MLIP: variants seen among roughly 807,000 people sequenced by gnomAD.
MLIP encodes muscular LMNA-interacting protein.
Under a neutral mutation model 84.8 loss-of-function variants are expected in MLIP, and 79 were observed. The ratio of observed to expected loss-of-function variants is 0.93; its 90% CI spans 0.78 to 1.12. The LOEUF is 1.12. Ranked by LOEUF, MLIP falls within the 50% of genes most tolerant of loss-of-function variation. The pLI is 0.00. For missense variants in MLIP, 1,257 were observed against 1,160.6 expected, an observed-to-expected ratio of 1.08 and a Z score of -1.21; for synonymous variants, 504 against 463.0, an observed-to-expected ratio of 1.09 and a Z score of -1.14.
At chr6:54,263,615 A>T (rs543559945) in intron 13 of MLIP, among the ~76,000 whole-genome samples, 55 of 152,170 alleles carry the variant, frequency 3.6e-4, no homozygotes, top group Non-Finnish European at 7.1e-4. Flanking sequence ...AATGGGAATG[A>T]AAAACCAACT....
intron 1 of MLIP, among the ~76,000 whole-genome samples, chr6:54,063,965 CAAGT>C (rs1766127816): frequency 6.6e-5 from 3 of 45,480 alleles, no homozygotes; most frequent in East Asian, 7.1e-4. Flanking sequence ...TAATTGGAAA[CAAGT>C]TAAACCTGCT....
At chr6:54,263,795 C>A (rs1783533415) in intron 13 of MLIP, among the ~76,000 whole-genome samples, 1 of 151,916 alleles carries the variant, frequency 6.6e-6, no homozygotes, top group South Asian at 2.1e-4. Context: ...TTCTTTCTTG[C>A]TTGTATTTTC....
intron 10 of MLIP, among the ~76,000 whole-genome samples, chr6:54,194,375 C>A (rs960144325): frequency 6.6e-6 from 1 of 152,126 alleles, no homozygotes; most frequent in African/African-American, 2.4e-5. Context: ...TTATCAGGTA[C>A]GCCTCCTCAG....
chr6:54,252,598 T>C (rs1456268893), intron 12 of MLIP, among the ~76,000 whole-genome samples: 1 of 149,592 alleles, frequency 6.7e-6, no homozygotes. Context: ...ATTATGTACA[T>C]AATCATGATA....
At chr6:54,180,130 A>G (rs1776707526) in intron 9 of MLIP, among the ~76,000 whole-genome samples, 2 of 152,116 alleles carry the variant, frequency 1.3e-5, no homozygotes, top group South Asian at 4.1e-4. Context: ...AGCACTTTAA[A>G]TATGCCATGT....
chr6:54,044,833 G>GA (rs982613804), intron 1 of MLIP, among the ~76,000 whole-genome samples: 11 of 152,124 alleles, frequency 7.2e-5, no homozygotes, highest in African/African-American at 2.7e-4. Context: ...GCTCTTGCTT[G>GA]AAAATTTTAT....
At chr6:54,067,557 A>T (rs1444108158) in intron 1 of MLIP, among the ~76,000 whole-genome samples, 2 of 101,608 alleles carry the variant, frequency 2.0e-5, no homozygotes, top group Non-Finnish European at 2.8e-5. Context: ...TTATCACCTT[A>T]TTCTAATTCA....
At chr6:54,225,247 T>C (rs1250356778) in intron 11 of MLIP, among the ~76,000 whole-genome samples, 1 of 152,194 alleles carries the variant, frequency 6.6e-6, no homozygotes, top group African/African-American at 2.4e-5. Flanking sequence ...CAAGCCTAGA[T>C]GGTATAGCCT....
chr6:54,189,939 C>G (rs1381749990), intron 10 of MLIP, 25 bp downstream of exon 10: 4 of 1,537,288 alleles, frequency 2.6e-6, no homozygotes, highest in African/African-American at 1.4e-5. Flanking sequence ...AGTCACAGAT[C>G]TACTGCAAAT....
intron 1 of MLIP, among the ~76,000 whole-genome samples, chr6:54,116,030 C>T (rs142079819): frequency 3.4e-4 from 52 of 151,998 alleles, no homozygotes; most frequent in Middle Eastern, 3.4e-3. Flanking sequence ...GAGCAGGGTG[C>T]AAGATGGGAA....
intron 12 of MLIP, among the ~76,000 whole-genome samples, chr6:54,250,704 C>T (rs1206150993): frequency 2.0e-5 from 3 of 152,056 alleles, no homozygotes; most frequent in African/African-American, 7.2e-5. Flanking sequence ...TCATTTTACC[C>T]ATCCACCTGA....
chr6:54,224,621 G>T (rs988771724), intron 11 of MLIP, among the ~76,000 whole-genome samples: 1 of 151,960 alleles, frequency 6.6e-6, no homozygotes, highest in African/African-American at 2.4e-5. Context: ...GGGTATAGGT[G>T]GTATTTGGTT....
At chr6:54,233,472 T>C (rs1199907229) in intron 12 of MLIP, among the ~76,000 whole-genome samples, 3 of 152,174 alleles carry the variant, frequency 2.0e-5, no homozygotes, top group Admixed American at 6.5e-5. Flanking sequence ...AATGATGGTT[T>C]CCAGCTTCAT....
chr6:54,258,129 G>A (rs1382683555), intron 13 of MLIP, among the ~76,000 whole-genome samples: 2 of 152,030 alleles, frequency 1.3e-5, no homozygotes, highest in African/African-American at 4.8e-5. Flanking sequence ...TTATCTCTGA[G>A]AAGGGACTGG....
At chr6:54,089,522 T>C (rs1312753968) in intron 1 of MLIP, among the ~76,000 whole-genome samples, 4 of 152,134 alleles carry the variant, frequency 2.6e-5, no homozygotes, top group African/African-American at 9.7e-5. Context: ...TTCAGGACAG[T>C]TCTATATCTG....
At position 54,137,643 on chromosome 6, in the gene MLIP, G is replaced by T; in HGVS notation, c.1574G>T (p.Arg525Ile). The T allele has an allele frequency of 6.5e-7, 1 of 1,536,058 alleles. No individual in the cohort carries two copies. Among genetic ancestry groups the T allele is most frequent in the South Asian group, 1.2e-5 (1 of 84,058 alleles). The change falls in exon 4 of 14, where the codon AGA becomes ATA. Residue 525 changes from arginine to isoleucine, a missense_variant. Physicochemically the swap from Arg to Ile is moderately conservative, Grantham distance 97 (BLOSUM62 -3). Transcript: ENST00000502396. ...AGCCTTGCTTCCATGAATGTAGAGA[G>T]AACACCATCACCTACTTTGAAGAGC... ...SSSLASMNVE[R>I]TPSPTLKSNT...
intron 11 of MLIP, among the ~76,000 whole-genome samples, chr6:54,218,297 G>T (rs530537900): frequency 6.6e-6 from 1 of 152,176 alleles, no homozygotes; most frequent in Non-Finnish European, 1.5e-5. Flanking sequence ...GGAAGCAATT[G>T]TAACACAATG....
chr6:54,070,705 G>A (rs1008795380), intron 1 of MLIP, among the ~76,000 whole-genome samples: 5 of 152,076 alleles, frequency 3.3e-5, no homozygotes, highest in Non-Finnish European at 5.9e-5. Context: ...TTTGCAGTTT[G>A]AGGGGCCTAT....
chr6:54,127,432 T>C (rs963516127), intron 3 of MLIP, among the ~76,000 whole-genome samples: 9 of 152,168 alleles, frequency 5.9e-5, no homozygotes, highest in African/African-American at 2.2e-4. Flanking sequence ...ATTGCATATC[T>C]TTTCAACTGT....
Sources: allele counts gnomAD v4.1 joint callset (sites outside exome capture counted in the v4.1 genomes callset), GRCh38; gene constraint gnomAD v4.1.1; transcripts MANE v1.5; gene names NCBI Gene and HGNC (gene_info 2026-07-23, HGNC 2026-07-21).